The following SCTR variants were observed in gnomAD, a reference collection of about 807,000 sequenced individuals.
SCTR encodes the protein pancreatic secretin receptor.
Under a neutral mutation model 60.8 loss-of-function variants are expected in SCTR, and 56 were observed. That is an observed-to-expected ratio of 0.92 (90% CI 0.74 to 1.15). SCTR has a LOEUF of 1.15. SCTR is among the 50% of genes most tolerant of loss of function. SCTR has a pLI of 0.00. For missense variants in SCTR, 562 were observed against 550.4 expected, an observed-to-expected ratio of 1.02 and a Z score of -0.21; for synonymous variants, 202 against 217.0, an observed-to-expected ratio of 0.93 and a Z score of 0.61.
At chr2:119,462,352 G>A (rs561112093) in intron 6 of SCTR, among the ~76,000 whole-genome samples, 31 of 152,312 alleles carry the variant, frequency 2.0e-4, no homozygotes, top group African/African-American at 6.7e-4. Flanking sequence ...TTTTTCAGAT[G>A]AGGAAACCAA....
chr2:119,458,130 C>CA lies in SCTR; in HGVS notation c.790+3716dup, dbSNP rs1198980210. ...GCAACATAGTGAGACACTGTCTCTACAAAAAATAAAAATAAGTAAATAAAA... is the reference window on the plus strand; with the variant it reads ...GCAACATAGTGAGACACTGTCTCTACAAAAAAATAAAAATAAGTAAATAAAA... On this transcript the variant is annotated intron_variant, in intron 7 of 12. Transcript: ENST00000019103. 2.7e-5 allele frequency among the ~76,000 whole-genome samples: 4 copies of CA among 150,066 alleles called. No homozygotes were observed. The East Asian group carries it at 5.9e-4, about 22-fold the overall frequency.
At chr2:119,504,780 GA>G (rs1449429624) in intron 1 of SCTR, among the ~76,000 whole-genome samples, 2 of 151,792 alleles carry the variant, frequency 1.3e-5, no homozygotes, top group African/African-American at 4.8e-5. Context: ...AAGATGAAGA[GA>G]CAAGCTATGG....
chr2:119,441,647 C>G (rs562567738), intron 11 of SCTR, 48 bp from the exon 12 acceptor site: 8 of 1,562,364 alleles, frequency 5.1e-6, no homozygotes, highest in East Asian at 2.3e-5. Flanking sequence ...GCTCAGCATG[C>G]GGCCTGAACC....
In SCTR at chr2:119,444,882, CATATATTCGTACGAATATATATACAT is replaced by C; in HGVS notation, c.1140+1851_1140+1876del. On this transcript the variant is annotated intron_variant, in intron 11 of 12. Coordinates refer to ENST00000019103, the MANE Select transcript of SCTR (RefSeq NM_002980.3). ...ATATATTCGTACGAATATATATACACATATATTCGTACGAATATATATACATATATTCGTACGAATATACACATATA... is the reference window on the plus strand; with the variant it reads ...ATATATTCGTACGAATATATATACACATATTCGTACGAATATACACATATA... 2.4e-4 allele frequency among the ~76,000 whole-genome samples: 3 copies of C among 12,428 alleles called. 1 individual carries two copies. The highest frequency in any genetic ancestry group is 8.2e-4 in the African/African-American group (2 of 2,436). The allele number at this position is 12,428 out of a possible 152,430, so 8.2% of individuals were successfully genotyped here.
At chr2:119,446,459 T>G (rs1424468832) in intron 11 of SCTR, among the ~76,000 whole-genome samples, 1 of 152,202 alleles carries the variant, frequency 6.6e-6, no homozygotes, top group Non-Finnish European at 1.5e-5. Context: ...GCTTACGTTA[T>G]TTTGACCATG....
intron 2 of SCTR, among the ~76,000 whole-genome samples, chr2:119,488,458 C>T (rs1462950579): frequency 6.6e-6 from 1 of 152,236 alleles, no homozygotes; most frequent in Non-Finnish European, 1.5e-5. Context: ...GCTTTCTCAG[C>T]CCTGGATGCA....
intron 1 of SCTR, among the ~76,000 whole-genome samples, chr2:119,504,566 G>A (rs1363244457): frequency 1.3e-5 from 2 of 151,976 alleles, no homozygotes; most frequent in Non-Finnish European, 1.5e-5. Flanking sequence ...ACTCCAGCCT[G>A]GGTGACAAAG....
rs532661621 is a variant in SCTR at position 119,481,473 on chromosome 2, C to G, written c.194-2555G>C. Among the ~76,000 whole-genome samples the G allele has an allele frequency of 3.9e-5, 6 of 152,312 alleles. No homozygotes were observed. The South Asian group carries it at 1.2e-3, about 32-fold the overall frequency. On this transcript the variant is annotated intron_variant, in intron 2 of 12. Transcript: ENST00000019103. ...AGGAATCTGCATTTTAAGAATTCCCCAAAAATGCCGCTGAAGTGGTTCCAG... is the reference window on the plus strand; with the variant it reads ...AGGAATCTGCATTTTAAGAATTCCCGAAAAATGCCGCTGAAGTGGTTCCAG...
At chr2:119,464,359 T>C (rs889047483) in intron 5 of SCTR, 104 bp from the exon 6 acceptor site, 1 of 1,099,482 alleles carries the variant, frequency 9.1e-7, no homozygotes, top group Admixed American at 1.9e-5. Flanking sequence ...GGCCCTAGAC[T>C]TCAGCTCTTT....
At chr2:119,454,785 C>T (rs1055537614) in intron 7 of SCTR, among the ~76,000 whole-genome samples, 4 of 150,570 alleles carry the variant, frequency 2.7e-5, no homozygotes, top group African/African-American at 4.9e-5. Context: ...ACCCGGGAGG[C>T]GGAGGTTGCA....
At position 119,446,769 on chromosome 2, in the gene SCTR, C is replaced by A; in HGVS notation, c.1130G>T (p.Gly377Val). 2 of 1,547,292 alleles carry A rather than the reference C, an allele frequency of 1.3e-6. No individual in the cohort carries two copies. The highest frequency in any genetic ancestry group is 1.7e-6 in the Non-Finnish European group (2 of 1,144,122). The change falls in exon 11 of 13, where the codon GGC (glycine) becomes GTC (valine). Residue 377 changes from glycine (G) to valine (V), a missense_variant. Physicochemically the swap from Gly to Val is moderately radical, Grantham distance 109. Transcript: ENST00000019103. ...GTCCTGGAAACTTACCTGGAATGAG[C>A]CAAGGGCTAGTTCAAAAAACAGCTG... is the stretch of plus-strand genomic sequence containing the variant. ...EIQLFFELAL[G>V]SFQGLVVAVL...
intron 10 of SCTR, among the ~76,000 whole-genome samples, chr2:119,447,371 G>C (rs1402126688): frequency 1.3e-5 from 2 of 152,176 alleles, no homozygotes; most frequent in Non-Finnish European, 2.9e-5. Context: ...TGGACACCAT[G>C]TGGGGGTATA....
chr2:119,447,612 T>C (rs919918042), intron 10 of SCTR, among the ~76,000 whole-genome samples: 2 of 152,224 alleles, frequency 1.3e-5, no homozygotes, highest in Non-Finnish European at 2.9e-5. Flanking sequence ...TGCTGTGTTG[T>C]GCAGGCAGGA....
chr2:119,446,951 C>T (rs1682956727), intron 10 of SCTR, 66 bp from the exon 11 acceptor site: 2 of 1,343,120 alleles, frequency 1.5e-6, no homozygotes, highest in Non-Finnish European at 1.9e-6. Flanking sequence ...CCTGTAGGCA[C>T]ACAGCTGTGC....
intron 2 of SCTR, among the ~76,000 whole-genome samples, chr2:119,483,926 A>G (rs1440426054): frequency 6.6e-6 from 1 of 151,696 alleles, no homozygotes; most frequent in Non-Finnish European, 1.5e-5. Flanking sequence ...CTCAGACTCC[A>G]CTCCGGGACT....
intron 11 of SCTR, among the ~76,000 whole-genome samples, chr2:119,444,417 CCATATACGTATGAATATACACATA>C (rs1682809930): frequency 2.2e-4 from 1 of 4,560 alleles, no homozygotes; most frequent in Admixed American, 1.9e-3. Context: ...ATATATATAC[CCATATACGTATGAATATACACATA>C]TATATACGTA....
At chr2:119,469,398 G>A (rs560553585) in intron 4 of SCTR, among the ~76,000 whole-genome samples, 144 of 152,206 alleles carry the variant, frequency 9.5e-4, no homozygotes, top group African/African-American at 3.3e-3. Flanking sequence ...ATGTAGACCC[G>A]TTCTTGCCTT....
intron 1 of SCTR, among the ~76,000 whole-genome samples, chr2:119,519,175 A>G (rs753321578): frequency 7.2e-5 from 11 of 151,910 alleles, no homozygotes; most frequent in Non-Finnish European, 1.6e-4. Context: ...TGTTGGTCGG[A>G]CTGGTCTCAG....
chr2:119,479,049 G>A, intron 2 of SCTR, 131 bp from the exon 3 acceptor site: 1 of 1,487,942 alleles, frequency 6.7e-7, no homozygotes. Flanking sequence ...CTCATTAGGT[G>A]CTGACTCCTC....
Sources: gnomAD v4.1 joint callset for allele counts (sites outside exome capture counted in the v4.1 genomes callset) on GRCh38, gnomAD v4.1.1 for gene constraint, MANE v1.5 for transcripts, NCBI Gene and HGNC (gene_info 2026-07-23, HGNC 2026-07-21) for gene names.